The following SYNPR variants were observed in gnomAD, a reference collection of about 807,000 sequenced individuals.
SYNPR encodes the protein synaptoporin.
Under a neutral mutation model 32.9 loss-of-function variants are expected in SYNPR, and 23 were observed. That is an observed-to-expected ratio of 0.70 (90% CI 0.50 to 0.99). SYNPR has a LOEUF of 0.99. SYNPR is among the 50% of genes least tolerant of loss of function. The probability of loss-of-function intolerance (pLI) is 0.00; values close to 1 mark genes in which losing one functional copy is unlikely to be tolerated. For synonymous variants in SYNPR, 146 were observed against 135.9 expected, an observed-to-expected ratio of 1.07 and a Z score of -0.52; for missense variants, 318 against 349.3, an observed-to-expected ratio of 0.91 and a Z score of 0.71.
intron 3 of SYNPR, among the ~76,000 whole-genome samples, chr3:63,553,801 A>C (rs1702544753): frequency 6.6e-6 from 1 of 152,012 alleles, no homozygotes; most frequent in Non-Finnish European, 1.5e-5. Flanking sequence ...GGCTCATCGC[A>C]ACCTCCGCCT....
intron 2 of SYNPR, among the ~76,000 whole-genome samples, chr3:63,453,106 G>A (rs1000509624): frequency 3.3e-5 from 5 of 152,096 alleles, no homozygotes; most frequent in Admixed American, 6.6e-5. Flanking sequence ...TGGAATCTAC[G>A]TTTTAATGAT....
intron 2 of SYNPR, among the ~76,000 whole-genome samples, chr3:63,389,156 T>C (rs2088097039): frequency 6.6e-6 from 1 of 152,208 alleles, no homozygotes; most frequent in African/African-American, 2.4e-5. Flanking sequence ...TGTAACAGTA[T>C]ATTGTAACAA....
At chr3:63,347,676 T>C (rs2087454883) in intron 2 of SYNPR, among the ~76,000 whole-genome samples, 1 of 152,142 alleles carries the variant, frequency 6.6e-6, no homozygotes, top group African/African-American at 2.4e-5. Context: ...TTCCACATTC[T>C]ATGTCCCGGT....
intron 3 of SYNPR, among the ~76,000 whole-genome samples, chr3:63,500,609 T>C (rs1701460884): frequency 6.6e-6 from 1 of 152,210 alleles, no homozygotes; most frequent in Admixed American, 6.5e-5. Context: ...CTTCCTAAAA[T>C]GAGTGTCCCT....
At chr3:63,377,756 A>G (rs1221136451) in intron 2 of SYNPR, among the ~76,000 whole-genome samples, 3 of 152,014 alleles carry the variant, frequency 2.0e-5, no homozygotes, top group Middle Eastern at 3.2e-3. Context: ...AGAATGTTCT[A>G]TGTTTCATGA....
At chr3:63,482,286 A>G (rs1575667936) in intron 3 of SYNPR, among the ~76,000 whole-genome samples, 1 of 152,224 alleles carries the variant, frequency 6.6e-6, no homozygotes, top group African/African-American at 2.4e-5. Flanking sequence ...ATGTATTGCC[A>G]TCTATAGCAG....
chr3:63,602,621 G>C (rs771143179), intron 4 of SYNPR, among the ~76,000 whole-genome samples: 2 of 152,098 alleles, frequency 1.3e-5, no homozygotes, highest in Non-Finnish European at 2.9e-5. Flanking sequence ...CTCATTCCTT[G>C]CTTTTCACAA....
intron 3 of SYNPR, among the ~76,000 whole-genome samples, chr3:63,526,545 A>G (rs1575692712): frequency 6.6e-6 from 1 of 152,182 alleles, no homozygotes; most frequent in Admixed American, 6.6e-5. Flanking sequence ...TCATTGTATT[A>G]AGGTGTATGT....
chr3:63,452,636 A>T (rs1700399359), intron 2 of SYNPR, among the ~76,000 whole-genome samples: 1 of 151,828 alleles, frequency 6.6e-6, no homozygotes, highest in Admixed American at 6.6e-5. Flanking sequence ...GAACCTTCAC[A>T]ACAGCACCAT....
intron 2 of SYNPR, among the ~76,000 whole-genome samples, chr3:63,295,303 T>C (rs915309543): frequency 6.6e-6 from 1 of 152,186 alleles, no homozygotes; most frequent in African/African-American, 2.4e-5. Context: ...TTCTAACAAC[T>C]CTATTAAAGT....
chr3:63,271,020 C>T (rs113599070), intron 3 of SYNPR, among the ~76,000 whole-genome samples: 45,842 of 97,164 alleles, frequency 0.47, 8,942 homozygotes, highest in Middle Eastern at 0.55. Context: ...TCCTTCCTTC[C>T]TTCTTTCCTT....
chr3:63,356,705 T>A (rs1020090762), intron 2 of SYNPR, among the ~76,000 whole-genome samples: 2 of 152,234 alleles, frequency 1.3e-5, no homozygotes, highest in African/African-American at 4.8e-5. Flanking sequence ...GGTCCCCATG[T>A]CTATATGTTC....
intron 4 of SYNPR, among the ~76,000 whole-genome samples, chr3:63,606,747 T>C (rs1700129072): frequency 6.6e-6 from 1 of 152,178 alleles, no homozygotes; most frequent in African/African-American, 2.4e-5. Context: ...TGTCTTCATT[T>C]TAAATAGGAA....
At chr3:63,530,064 T>G (rs6766087) in intron 3 of SYNPR, among the ~76,000 whole-genome samples, 3 of 151,904 alleles carry the variant, frequency 2.0e-5, no homozygotes, top group Admixed American at 2.0e-4. Flanking sequence ...CTGACCCCCA[T>G]GCCTGTGAGG....
At chr3:63,423,147 T>C (rs1424708206) in intron 2 of SYNPR, among the ~76,000 whole-genome samples, 3 of 152,038 alleles carry the variant, frequency 2.0e-5, no homozygotes, top group African/African-American at 7.2e-5. Flanking sequence ...TGAGAAAAAA[T>C]ACACATTCAT....
chr3:63,544,192 A>G (rs1702358146), intron 3 of SYNPR, among the ~76,000 whole-genome samples: 1 of 152,072 alleles, frequency 6.6e-6, no homozygotes, highest in Non-Finnish European at 1.5e-5. Flanking sequence ...TTGTGTGATT[A>G]ATCTCCCAGT....
intron 2 of SYNPR, among the ~76,000 whole-genome samples, chr3:63,264,825 G>A (rs939091877): frequency 6.6e-6 from 1 of 152,218 alleles, no homozygotes; most frequent in South Asian, 2.1e-4. Context: ...GACGGAGTGA[G>A]GGCAAGCCGG....
intron 2 of SYNPR, among the ~76,000 whole-genome samples, chr3:63,346,722 C>T (rs988064468): frequency 2.0e-5 from 3 of 152,142 alleles, no homozygotes; most frequent in Non-Finnish European, 4.4e-5. Flanking sequence ...CCACCCACCT[C>T]GGCCTCCCAA....
At chr3:63,359,588 C>A (rs558752029) in intron 2 of SYNPR, among the ~76,000 whole-genome samples, 1 of 152,320 alleles carries the variant, frequency 6.6e-6, no homozygotes, top group South Asian at 2.1e-4. Flanking sequence ...CCTTTTCTTG[C>A]CACTGTGAGG....
Sources: allele counts gnomAD v4.1 joint callset (sites outside exome capture counted in the v4.1 genomes callset), GRCh38; gene constraint gnomAD v4.1.1; transcripts MANE v1.5; gene names NCBI Gene and HGNC (gene_info 2026-07-23, HGNC 2026-07-21).